The following NR2F1 variants were observed in gnomAD, a reference collection of about 807,000 sequenced individuals.
NR2F1 encodes the protein COUP transcription factor 1.
Under a neutral mutation model 37.7 loss-of-function variants are expected in NR2F1, and 1 was observed. That is an observed-to-expected ratio of 0.03 (90% CI 0.01 to 0.13). The LOEUF (loss-of-function observed/expected upper bound fraction) is 0.13, where lower values mean the gene tolerates loss of function less well. Ranked by LOEUF, NR2F1 falls within the 10% of genes least tolerant of loss-of-function variation. NR2F1 has a pLI of 1.00. For missense variants in NR2F1, 268 were observed against 578.4 expected, an observed-to-expected ratio of 0.46 and a Z score of 5.50; for synonymous variants, 275 against 259.6, an observed-to-expected ratio of 1.06 and a Z score of -0.57.
In NR2F1 at chr5:93,594,046, A is replaced by T. The variant is rs932605101; in HGVS notation, c.*204A>T. Reference sequence around the variant, plus strand: ...CATGGGAAAAAGAGACTCTTTTAGGATCAGATCTGTGAGCACGTTGGCGAG... The same window carrying T: ...CATGGGAAAAAGAGACTCTTTTAGGTTCAGATCTGTGAGCACGTTGGCGAG... On this transcript the variant is annotated 3_prime_UTR_variant, in exon 3 of 3. Coordinates refer to ENST00000327111, the MANE Select transcript of NR2F1 (RefSeq NM_005654.6). The T allele has an allele frequency of 3.8e-6, 2 of 529,272 alleles. No homozygotes were observed. The highest frequency in any genetic ancestry group is 3.0e-5 in the South Asian group (1 of 33,814). The allele number at this position is 529,272 out of a possible 1,614,324, so 32.8% of individuals were successfully genotyped here. A position where few individuals can be genotyped will look rare whatever the true frequency, so the allele number is the denominator to read the frequency against.
rs1479279806 is a variant in NR2F1, at chr5:93,585,482, G to T, written c.459G>T (p.Arg153=). 6.2e-7 allele frequency: 1 copy of T among 1,610,394 alleles called. No homozygotes were observed. The highest frequency in any genetic ancestry group is 8.5e-7 in the Non-Finnish European group (1 of 1,176,960). The change falls in exon 1 of 3, where the codon CGG becomes CGT. Residue 153 remains arginine (R), a synonymous_variant. Coordinates refer to ENST00000327111, the MANE Select transcript of NR2F1 (RefSeq NM_005654.6). The part of the protein sequence containing the change: ...LKKCLKVGMR[R]EAVQRGRMPP... ...AGTGCCTCAAAGTGGGCATGAGGCG[G>T]GAAGGTGAATATTTCTTCTCTGCTT...
Position 93,593,548 on chromosome 5 carries a change from G to T in NR2F1, c.992-14G>T, listed in dbSNP as rs1561527083. 1 of 1,606,900 alleles carries T rather than the reference G, an allele frequency of 6.2e-7. No homozygotes were observed. The highest frequency in any genetic ancestry group is 1.3e-5 in the African/African-American group (1 of 74,830). On this transcript the variant is annotated splice_polypyrimidine_tract_variant and intron_variant, in intron 2 of 2. Transcript: ENST00000327111. This position sits in a 1 kb window ranked among gnomAD's most constrained non-coding sequence, Gnocchi z 5.6. ...CCCTTTCCCTGTCTCTCCCTCCTGT[G>T]GCTGCTTGGGCAGACGCCTGTGGCC...
In NR2F1 at chr5:93,593,948, C is replaced by T. The variant is rs576784611; in HGVS notation, c.*106C>T. On this transcript the variant is annotated 3_prime_UTR_variant, in exon 3 of 3. Coordinates refer to ENST00000327111, the MANE Select transcript of NR2F1 (RefSeq NM_005654.6). The surrounding 1 kb of genome is among the most constrained non-coding windows in gnomAD (Gnocchi z 5.6). Reference sequence around the variant, plus strand: ...ACACCGGGAAGTGCAGCGGGCCAGGCAGGCTGGGTGGGAGGGAGGAGGGCC... The same window carrying T: ...ACACCGGGAAGTGCAGCGGGCCAGGTAGGCTGGGTGGGAGGGAGGAGGGCC... 162 of 1,157,066 alleles carry T rather than the reference C, an allele frequency of 1.4e-4. No individual in the cohort carries two copies. The South Asian group carries it at 2.2e-3, about 16-fold the overall frequency. 71.7% of individuals were successfully genotyped at this position (1,157,066 alleles called of 1,614,324 possible).
chr5:93,588,368 G>A lies in NR2F1; in HGVS notation c.915G>A (p.Gln305=). 6.2e-7 allele frequency: 1 copy of A among 1,613,056 alleles called. No homozygotes were observed. ...FMDHIRIFQE[Q]VEKLKALHVD... ...ACCACATCCGCATCTTCCAGGAGCA[G>A]GTGGAGAAGCTCAAGGCGCTACACG... Residue 305 remains glutamine, a synonymous_variant, in exon 2 of 3, where the codon CAG becomes CAA. Transcript: ENST00000327111.
chr5:93,588,648 C>T (rs1046733793), intron 2 of NR2F1, among the ~76,000 whole-genome samples: 2 of 150,466 alleles, frequency 1.3e-5, no homozygotes, highest in African/African-American at 4.8e-5. Flanking sequence ...CGCGGCGGTG[C>T]GGGAACCGAG....
intron 2 of NR2F1, among the ~76,000 whole-genome samples, chr5:93,590,408 T>C (rs888996804): frequency 1.3e-5 from 2 of 152,254 alleles, no homozygotes; most frequent in African/African-American, 2.4e-5. Context: ...GAATTATTCA[T>C]GCTTTCCTTT....
Position 93,583,293 on chromosome 5 carries a change from C to CT in NR2F1, c.-1730dup, listed in dbSNP as rs916936784. On this transcript the variant is annotated 5_prime_UTR_variant, in exon 1 of 3. Transcript: ENST00000327111. ...TGGGTCTCTCTCTCTCTCTCTCTCT[C>CT]TCTTCTTCTCTTCTCTCTCTCTCTC... 5 of 151,134 alleles carry CT rather than the reference C, an allele frequency of 3.3e-5. No homozygotes were observed. Among genetic ancestry groups the CT allele is most frequent in the East Asian group, 1.9e-4 (1 of 5,130 alleles). The allele number at this position is 151,134 out of a possible 1,614,324, so 9.4% of individuals were successfully genotyped here. A position where few individuals can be genotyped will look rare whatever the true frequency, so the allele number is the denominator to read the frequency against.
intron 1 of NR2F1, chr5:93,587,694 G>T (rs541254836): frequency 1.1e-5 from 6 of 551,064 alleles, no homozygotes; most frequent in Admixed American, 1.0e-4. Context: ...GGCTGACGTG[G>T]CCAGGGGCTC....
chr5:93,584,272 G>T lies in NR2F1; in HGVS notation c.-752G>T. ...TCCTCCAGCGGCGCTCGCCGCAGCAGCTCCGGCGGCAGCTCCAGCGGCGCC... is the reference window on the plus strand; with the variant it reads ...TCCTCCAGCGGCGCTCGCCGCAGCATCTCCGGCGGCAGCTCCAGCGGCGCC... On this transcript the variant is annotated 5_prime_UTR_variant, in exon 1 of 3. Coordinates refer to ENST00000327111, the MANE Select transcript of NR2F1 (RefSeq NM_005654.6). The T allele has an allele frequency of 6.7e-6, 1 of 149,324 alleles. No homozygotes were observed. 9.2% of individuals were successfully genotyped at this position (149,324 alleles called of 1,614,324 possible).
Position 93,593,543 on chromosome 5 carries a change from C to T in NR2F1, c.992-19C>T, listed in dbSNP as rs745731425. On this transcript the variant is annotated intron_variant, in intron 2 of 2. Transcript: ENST00000327111. This position sits in a 1 kb window ranked among gnomAD's most constrained non-coding sequence, Gnocchi z 5.6. ...GTGCTCCCTTTCCCTGTCTCTCCCT[C>T]CTGTGGCTGCTTGGGCAGACGCCTG... 6.2e-7 allele frequency: 1 copy of T among 1,607,082 alleles called. No individual in the cohort carries two copies. The highest frequency in any genetic ancestry group is 2.2e-5 in the East Asian group (1 of 44,706).
At chr5:93,586,426 T>TTTTGATGTTGTA (rs1393040662) in intron 1 of NR2F1, among the ~76,000 whole-genome samples, 20 of 152,174 alleles carry the variant, frequency 1.3e-4, no homozygotes, top group Non-Finnish European at 2.4e-4. Flanking sequence ...AAAACACAAC[T>TTTTGATGTTGTA]TTTGATGTTG....
chr5:93,593,914 G>A lies in NR2F1; in HGVS notation c.*72G>A. The A allele has an allele frequency of 6.7e-7, 1 of 1,482,336 alleles. No homozygotes were observed. The highest frequency in any genetic ancestry group is 1.3e-5 in the South Asian group (1 of 78,892). 91.8% of individuals were successfully genotyped at this position (1,482,336 alleles called of 1,614,324 possible). On this transcript the variant is annotated 3_prime_UTR_variant, in exon 3 of 3. Transcript: ENST00000327111. This position sits in a 1 kb window ranked among gnomAD's most constrained non-coding sequence, Gnocchi z 5.6. ...ACCCACCTGGGCCAAGGACTCCAAA[G>A]CCGCGGGGACACCGGGAAGTGCAGC...
rs1753380489 is a variant in NR2F1, at chr5:93,593,988, C to T, written c.*146C>T. ...GGAGGAGGGCCGAGACAGGAGCAGC[C>T]CACCCAGCAGAAATACAATCCGAGC... is the stretch of plus-strand genomic sequence containing the variant. On this transcript the variant is annotated 3_prime_UTR_variant, in exon 3 of 3. Transcript: ENST00000327111. The surrounding 1 kb of genome is among the most constrained non-coding windows in gnomAD (Gnocchi z 5.6). 4.5e-6 allele frequency: 3 copies of T among 665,954 alleles called. No individual in the cohort carries two copies. Among genetic ancestry groups the T allele is most frequent in the Non-Finnish European group, 2.6e-6 (1 of 391,420 alleles). 41.3% of individuals were successfully genotyped at this position (665,954 alleles called of 1,614,324 possible). A position where few individuals can be genotyped will look rare whatever the true frequency, so the allele number is the denominator to read the frequency against.
At position 93,588,023 on chromosome 5, in the gene NR2F1, G is replaced by A; in HGVS notation, c.570G>A (p.Ser190=). Reference sequence around the variant, plus strand: ...ACTGCTACCTGTCCGGCTACATCTCGCTGCTGCTGCGCGCCGAGCCCTACC... The same window carrying A: ...ACTGCTACCTGTCCGGCTACATCTCACTGCTGCTGCGCGCCGAGCCCTACC... ...NGHCYLSGYI[S]LLLRAEPYPT... The change falls in exon 2 of 3, where the codon TCG becomes TCA. Residue 190 remains serine (S), a synonymous_variant. Transcript: ENST00000327111. The A allele has an allele frequency of 6.2e-7, 1 of 1,613,982 alleles. No individual in the cohort carries two copies. Among genetic ancestry groups the A allele is most frequent in the Middle Eastern group, 1.6e-4 (1 of 6,062 alleles).
In NR2F1 at chr5:93,594,182, G is replaced by A; in HGVS notation, c.*340G>A. 1 of 282,288 alleles carries A rather than the reference G, an allele frequency of 3.5e-6. No individual in the cohort carries two copies. Among genetic ancestry groups the A allele is most frequent in the Non-Finnish European group, 6.7e-6 (1 of 149,686 alleles). 17.5% of individuals were successfully genotyped at this position (282,288 alleles called of 1,614,324 possible). ...TTTAATAAAACAGAAGGAAACTAATGGACCTTCCAGGATTTATTGTGGACG... is the reference window on the plus strand; with the variant it reads ...TTTAATAAAACAGAAGGAAACTAATAGACCTTCCAGGATTTATTGTGGACG... On this transcript the variant is annotated 3_prime_UTR_variant, in exon 3 of 3. Transcript: ENST00000327111.
At chr5:93,591,095 T>G (rs966129857) in intron 2 of NR2F1, among the ~76,000 whole-genome samples, 5 of 152,246 alleles carry the variant, frequency 3.3e-5, no homozygotes, top group African/African-American at 1.2e-4. Context: ...ATACATTCTC[T>G]GCACTACAAA....
At chr5:93,590,967 G>C (rs1753319413) in intron 2 of NR2F1, among the ~76,000 whole-genome samples, 1 of 152,196 alleles carries the variant, frequency 6.6e-6, no homozygotes, top group Non-Finnish European at 1.5e-5. Flanking sequence ...GAGCCATCTA[G>C]TTAACATAAA....
intron 1 of NR2F1, 50 bp downstream of exon 1, chr5:93,585,536 GCT>G (rs1491193802): frequency 6.7e-7 from 1 of 1,485,782 alleles, no homozygotes; most frequent in Non-Finnish European, 9.3e-7. Context: ...CGCCTCCCTG[GCT>G]CTTTCTTTCT....
intron 2 of NR2F1, among the ~76,000 whole-genome samples, chr5:93,588,790 C>T (rs144248947): frequency 0.019 from 2,768 of 148,226 alleles, 66 homozygotes; most frequent in South Asian, 0.066. Flanking sequence ...CGCGCGCGCG[C>T]GCGTGTGTGT....
Sources: gnomAD v4.1 joint callset for allele counts (sites outside exome capture counted in the v4.1 genomes callset) on GRCh38, gnomAD v4.1.1 for gene constraint, Gnocchi (gnomAD v3.1) non-coding constraint, MANE v1.5 for transcripts, NCBI Gene and HGNC (gene_info 2026-07-23, HGNC 2026-07-21) for gene names.